The following ATP8A2 variants were observed in gnomAD, a reference collection of about 807,000 sequenced individuals.
The protein encoded by ATP8A2 is phospholipid-transporting ATPase IB.
Under a neutral mutation model 165.6 loss-of-function variants are expected in ATP8A2, and 100 were observed. That is an observed-to-expected ratio of 0.60 (90% confidence interval 0.51 to 0.71). ATP8A2 has a LOEUF of 0.71. ATP8A2 is among the 30% of genes least tolerant of loss of function. The pLI is 0.00. For synonymous variants in ATP8A2, 543 were observed against 548.8 expected, an observed-to-expected ratio of 0.99 and a Z score of 0.15; for missense variants, 1,227 against 1,479.5, an observed-to-expected ratio of 0.83 and a Z score of 2.80.
At chr13:25,607,441 AC>A (rs2040547258) in intron 24 of ATP8A2, among the ~76,000 whole-genome samples, 2 of 152,202 alleles carry the variant, frequency 1.3e-5, no homozygotes, top group African/African-American at 4.8e-5. Flanking sequence ...TTCTGGATAA[AC>A]CCATTGTAAG....
intron 12 of ATP8A2, among the ~76,000 whole-genome samples, 190 bp from the exon 13 acceptor site, chr13:25,554,801 C>G (rs2038931325): frequency 6.6e-6 from 1 of 152,286 alleles, no homozygotes; most frequent in East Asian, 1.9e-4. Flanking sequence ...TTCAAGTGAT[C>G]TGGCCACTTC....
chr13:25,868,279 C>CCA, intron 33 of ATP8A2: 1 of 340,540 alleles, frequency 2.9e-6, no homozygotes, highest in Non-Finnish European at 5.9e-6. Flanking sequence ...AGATAACATT[C>CCA]CAGAAAACAC....
In ATP8A2 at chr13:25,561,043, C is replaced by T. The variant is rs1157288842; in HGVS notation, c.1397+1278C>T. Among the ~76,000 whole-genome samples the T allele has an allele frequency of 5.9e-5, 9 of 152,046 alleles. No individual in the cohort carries two copies. In the East Asian group the frequency reaches 7.9e-4, roughly 13 times the overall value. On this transcript the variant is annotated intron_variant, in intron 15 of 36. Transcript: ENST00000381655. Reference sequence around the variant, plus strand: ...CTGGGACTACAGGCGCCCACCACCACACCCAGCTAATTTTTTGTATTTTTA... The same window carrying T: ...CTGGGACTACAGGCGCCCACCACCATACCCAGCTAATTTTTTGTATTTTTA...
chr13:25,616,326 C>CTTTTTTTTTTTTTTTT (rs535891442), intron 24 of ATP8A2, among the ~76,000 whole-genome samples: 7 of 106,752 alleles, frequency 6.6e-5, no homozygotes, highest in Admixed American at 1.0e-4. Flanking sequence ...TTCTTTCTTT[C>CTTTTTTTTTTTTTTTT]TTTTTTTTTT....
rs1358476114 is a variant in ATP8A2 at position 25,570,809 on chromosome 13, G to T, written c.1516G>T (p.Val506Leu). The T allele has an allele frequency of 6.2e-7, 1 of 1,613,558 alleles. No homozygotes were observed. Among genetic ancestry groups the T allele is most frequent in the Non-Finnish European group, 8.5e-7 (1 of 1,179,610 alleles). Residue 506 changes from valine to leucine, a missense_variant, in exon 17 of 37, where the codon GTG becomes TTG. This residue lies in a region of ATP8A2 where 592 missense variants were observed against 785.6 expected (regional missense o/e 0.75). Coordinates refer to ENST00000381655, the MANE Select transcript of ATP8A2 (RefSeq NM_016529.6). Reference protein sequence around the residue: ...CIQEFLTLLAVCHTVVPEKDG... With the variant: ...CIQEFLTLLALCHTVVPEKDG... ...TCAGGAGTTCCTCACCCTTCTGGCCGTGTGCCACACGGTTGTTCCTGAGAA... is the reference window on the plus strand; with the variant it reads ...TCAGGAGTTCCTCACCCTTCTGGCCTTGTGCCACACGGTTGTTCCTGAGAA...
intron 1 of ATP8A2, among the ~76,000 whole-genome samples, chr13:25,396,653 GT>G (rs1475222044): frequency 6.6e-6 from 1 of 152,272 alleles, no homozygotes; most frequent in Non-Finnish European, 1.5e-5. Flanking sequence ...CTATCTTCAT[GT>G]TCCCAATCTT....
intron 25 of ATP8A2, among the ~76,000 whole-genome samples, chr13:25,748,186 G>A (rs553369600): frequency 6.6e-6 from 1 of 152,300 alleles, no homozygotes; most frequent in South Asian, 2.1e-4. Context: ...TTTAAATTAA[G>A]AACAATTTCA....
intron 1 of ATP8A2, among the ~76,000 whole-genome samples, chr13:25,452,795 T>A (rs1223140973): frequency 6.6e-6 from 1 of 152,130 alleles, no homozygotes; most frequent in Non-Finnish European, 1.5e-5. Flanking sequence ...AACTTTTGAA[T>A]TAAAAATAAC....
chr13:25,416,986 T>C (rs1187480252), intron 1 of ATP8A2, among the ~76,000 whole-genome samples: 1 of 151,774 alleles, frequency 6.6e-6, no homozygotes, highest in African/African-American at 2.4e-5. Context: ...TGAGCACTTT[T>C]GCTGCTTGGA....
At chr13:25,964,356 T>G (rs894043113) in intron 34 of ATP8A2, among the ~76,000 whole-genome samples, 1 of 152,180 alleles carries the variant, frequency 6.6e-6, no homozygotes, top group Non-Finnish European at 1.5e-5. Flanking sequence ...CATTTTTCAG[T>G]TTATTGGTGC....
chr13:25,851,475 C>A (rs190448407), intron 30 of ATP8A2, among the ~76,000 whole-genome samples: 1 of 151,536 alleles, frequency 6.6e-6, no homozygotes, highest in Non-Finnish European at 1.5e-5. Context: ...CCCAGCTACC[C>A]GGGAGGCTGA....
intron 33 of ATP8A2, among the ~76,000 whole-genome samples, chr13:25,932,673 A>G (rs1954798042): frequency 6.6e-6 from 1 of 152,166 alleles, no homozygotes; most frequent in African/African-American, 2.4e-5. Flanking sequence ...TGGATTATTC[A>G]ATTAGGTATG....
At chr13:25,459,473 T>A (rs1198689315) in intron 1 of ATP8A2, among the ~76,000 whole-genome samples, 1 of 152,212 alleles carries the variant, frequency 6.6e-6, no homozygotes, top group Non-Finnish European at 1.5e-5. Flanking sequence ...GTGATGAAGA[T>A]GAGCATGGGC....
chr13:25,667,991 C>A (rs2137731321), intron 24 of ATP8A2, among the ~76,000 whole-genome samples: 1 of 152,116 alleles, frequency 6.6e-6, no homozygotes, highest in Admixed American at 6.5e-5. Context: ...CTAATTTTAT[C>A]TTTGTATATT....
intron 33 of ATP8A2, among the ~76,000 whole-genome samples, chr13:25,928,457 C>T (rs1183933514): frequency 6.6e-6 from 1 of 152,104 alleles, no homozygotes. Context: ...TCAGCCAGTC[C>T]CTTCTATATA....
chr13:25,528,381 A>G (rs1593464933), intron 2 of ATP8A2, among the ~76,000 whole-genome samples: 1 of 151,582 alleles, frequency 6.6e-6, no homozygotes, highest in East Asian at 1.9e-4. Context: ...TGATCACTGT[A>G]TTGTGAAATG....
At chr13:25,580,892 T>A (rs1026669526) in intron 22 of ATP8A2, among the ~76,000 whole-genome samples, 1 of 152,190 alleles carries the variant, frequency 6.6e-6, no homozygotes, top group African/African-American at 2.4e-5. Context: ...CATTCCTTTG[T>A]TGGTTTAAAA....
At chr13:25,832,326 C>T (rs1195845396) in intron 28 of ATP8A2, among the ~76,000 whole-genome samples, 1 of 152,108 alleles carries the variant, frequency 6.6e-6, no homozygotes, top group Non-Finnish European at 1.5e-5. Context: ...AATTTTATGT[C>T]TTTTATAATG....
intron 35 of ATP8A2, among the ~76,000 whole-genome samples, chr13:25,993,483 A>G (rs866687728): frequency 2.2e-4 from 33 of 152,186 alleles, no homozygotes; most frequent in Non-Finnish European, 2.1e-4. Flanking sequence ...AAAGTTGTAT[A>G]GTTTTATATT....
Sources: gnomAD v4.1 joint callset for allele counts (sites outside exome capture counted in the v4.1 genomes callset) on GRCh38, gnomAD v4.1.1 for gene constraint, gnomAD v4.1.1 regional missense constraint, MANE v1.5 for transcripts, NCBI Gene and HGNC (gene_info 2026-07-23, HGNC 2026-07-21) for gene names.